Variants in PTGER4 observed in about 807,000 individuals in gnomAD.
PTGER4 encodes the protein prostaglandin E2 receptor EP4 subtype.
In PTGER4, 11 loss-of-function variants were observed where a neutral mutation model predicts 33.2. The ratio of observed to expected loss-of-function variants is 0.33; its 90% CI spans 0.21 to 0.55. The LOEUF is 0.55. Among genes scored for constraint, PTGER4 ranks in the 20% least tolerant of loss-of-function variants. The pLI is 0.92. For missense variants in PTGER4, 481 were observed against 650.2 expected (o/e 0.74, Z 2.83); for synonymous variants, 275 against 281.5 (o/e 0.98, Z 0.23).
the PTGER4 span, among the ~76,000 whole-genome samples, chr5:40,706,434 G>C: frequency 1.3e-5 from 2 of 152,050 alleles, no homozygotes; most frequent in South Asian, 2.1e-4. Flanking sequence ...CATGACACGT[G>C]TTTATCTTTG....
the PTGER4 span, among the ~76,000 whole-genome samples, chr5:40,737,803 G>C: frequency 3.9e-5 from 6 of 152,186 alleles, no homozygotes; most frequent in African/African-American, 1.4e-4. Flanking sequence ...GGATTAATTT[G>C]TCTTTAGACA....
the PTGER4 span, among the ~76,000 whole-genome samples, chr5:40,713,065 T>A: frequency 6.6e-6 from 1 of 152,138 alleles, no homozygotes; most frequent in Non-Finnish European, 1.5e-5. Flanking sequence ...AATTCTTTAT[T>A]ATCAAATACA....
At chr5:40,720,076 T>C in the PTGER4 span, among the ~76,000 whole-genome samples, 2 of 152,230 alleles carry the variant, frequency 1.3e-5, no homozygotes, top group Non-Finnish European at 2.9e-5. Flanking sequence ...TCTTTTGTTG[T>C]TTGTGCTTCC....
intron 2 of PTGER4, among the ~76,000 whole-genome samples, chr5:40,690,171 C>A (rs558387509): frequency 6.6e-6 from 1 of 152,154 alleles, no homozygotes; most frequent in African/African-American, 2.4e-5. Flanking sequence ...AAGACCTCAT[C>A]TCTACAAAAA....
At chr5:40,702,828 G>C in the PTGER4 span, among the ~76,000 whole-genome samples, 1 of 152,090 alleles carries the variant, frequency 6.6e-6, no homozygotes, top group Admixed American at 6.5e-5. Flanking sequence ...TTGGAGTGCA[G>C]GGCAATAAAA....
downstream of PTGER4, among the ~76,000 whole-genome samples, chr5:40,697,226 A>AAAAG (rs70988803): frequency 0.091 from 10,109 of 111,682 alleles, 604 homozygotes; most frequent in Non-Finnish European, 0.098. Context: ...AAGAAAGAAG[A>AAAAG]AAAGAAAGAA....
intron 2 of PTGER4, among the ~76,000 whole-genome samples, chr5:40,685,723 C>T (rs1012985326): frequency 2.0e-5 from 3 of 152,200 alleles, no homozygotes; most frequent in African/African-American, 7.2e-5. Flanking sequence ...ACTCTCTCTA[C>T]ACCTCAGTTT....
the PTGER4 span, chr5:40,730,331 T>G: frequency 6.2e-7 from 1 of 1,613,176 alleles, no homozygotes; most frequent in Non-Finnish European, 8.5e-7. Flanking sequence ...ACTTCTGAAT[T>G]GCCTCCCGAT....
chr5:40,730,495 A>G, the PTGER4 span: 1 of 563,012 alleles, frequency 1.8e-6, no homozygotes, highest in Admixed American at 3.0e-5. Context: ...AAGTACATAT[A>G]GTTCATTCAC....
At chr5:40,703,631 G>A in the PTGER4 span, among the ~76,000 whole-genome samples, 2 of 152,000 alleles carry the variant, frequency 1.3e-5, no homozygotes, top group African/African-American at 2.4e-5. Context: ...GGCCGGGCAC[G>A]GTGTGGCTCA....
chr5:40,745,127 G>A, the PTGER4 span, among the ~76,000 whole-genome samples: 1 of 152,036 alleles, frequency 6.6e-6, no homozygotes, highest in Non-Finnish European at 1.5e-5. Flanking sequence ...GAAAACCCAA[G>A]GATGCCAAAA....
the PTGER4 span, among the ~76,000 whole-genome samples, chr5:40,741,315 C>G: frequency 6.6e-6 from 1 of 152,044 alleles, no homozygotes; most frequent in Non-Finnish European, 1.5e-5. Context: ...AAGAAATAAC[C>G]CCCTGTGACT....
At chr5:40,710,719 C>T in the PTGER4 span, among the ~76,000 whole-genome samples, 1 of 152,170 alleles carries the variant, frequency 6.6e-6, no homozygotes, top group Admixed American at 6.5e-5. Flanking sequence ...AAATGTGGCA[C>T]ATATACACCA....
At chr5:40,716,616 A>G in the PTGER4 span, 2 of 675,622 alleles carry the variant, frequency 3.0e-6, no homozygotes, top group Non-Finnish European at 4.9e-6. Flanking sequence ...CATTATCTTA[A>G]TGTACTAGAA....
At chr5:40,746,324 A>C in the PTGER4 span, among the ~76,000 whole-genome samples, 1 of 152,356 alleles carries the variant, frequency 6.6e-6, no homozygotes, top group South Asian at 2.1e-4. Flanking sequence ...CTTCCTGTAC[A>C]GCAAGTCATA....
At chr5:40,724,750 G>C in the PTGER4 span, among the ~76,000 whole-genome samples, 1 of 151,598 alleles carries the variant, frequency 6.6e-6, no homozygotes, top group Non-Finnish European at 1.5e-5. Context: ...CATTTATAAA[G>C]ACTATAATTC....
In PTGER4 at chr5:40,691,775, G is replaced by T. The variant is rs372866312; in HGVS notation, c.868-4G>T. ...AATCTAAATGTGCGATCTCACTTAT[G>T]CAGGTGCGAGTATTCGTCAACCAGT... On this transcript the variant is annotated splice_region_variant and splice_polypyrimidine_tract_variant and intron_variant, in intron 2 of 2. Coordinates refer to ENST00000302472, the MANE Select transcript of PTGER4 (RefSeq NM_000958.3). This position sits in a 1 kb window ranked among gnomAD's most constrained non-coding sequence, Gnocchi z 4.2. 2 of 1,610,794 alleles carry T rather than the reference G, an allele frequency of 1.2e-6. No homozygotes were observed. Among genetic ancestry groups the T allele is most frequent in the African/African-American group, 2.7e-5 (2 of 74,798 alleles).
the PTGER4 span, among the ~76,000 whole-genome samples, chr5:40,698,986 A>G: frequency 6.6e-6 from 1 of 152,212 alleles, no homozygotes; most frequent in Non-Finnish European, 1.5e-5. Context: ...GAAATATTTA[A>G]CTTCTAGTAA....
the PTGER4 span, among the ~76,000 whole-genome samples, chr5:40,726,858 G>T: frequency 6.6e-6 from 1 of 151,952 alleles, no homozygotes; most frequent in East Asian, 1.9e-4. Flanking sequence ...TATATGATAG[G>T]GTTTTCTTCC....
Sources: gnomAD v4.1 joint callset for allele counts (sites outside exome capture counted in the v4.1 genomes callset) on GRCh38, gnomAD v4.1.1 for gene constraint, Gnocchi (gnomAD v3.1) non-coding constraint, MANE v1.5 for transcripts, NCBI Gene and HGNC (gene_info 2026-07-23, HGNC 2026-07-21) for gene names.